Variants in LINGO2 observed in about 807,000 individuals in gnomAD.
LINGO2 encodes leucine-rich repeat and immunoglobulin-like domain-containing nogo receptor-interacting protein 2.
A neutral mutation model predicts 30.6 loss-of-function variants in LINGO2; 14 were observed. That is an observed-to-expected ratio of 0.46 (90% confidence interval 0.30 to 0.72). The LOEUF (loss-of-function observed/expected upper bound fraction) is 0.72, where lower values mean the gene tolerates loss of function less well. LINGO2 is among the 30% of genes least tolerant of loss of function. LINGO2 has a pLI of 0.07. For missense variants in LINGO2, 729 were observed against 751.7 expected, an observed-to-expected ratio of 0.97 and a Z score of 0.35; for synonymous variants, 317 against 288.5, an observed-to-expected ratio of 1.10 and a Z score of -1.00.
intron 4 of LINGO2, among the ~76,000 whole-genome samples, chr9:28,048,855 T>C (rs1056992425): frequency 6.6e-6 from 1 of 150,834 alleles, no homozygotes; most frequent in Non-Finnish European, 1.5e-5. Context: ...TATATATATA[T>C]GTAGTTTGTG....
the LINGO2 span, among the ~76,000 whole-genome samples, chr9:29,110,616 G>A: frequency 1.3e-5 from 2 of 151,972 alleles, no homozygotes; most frequent in African/African-American, 2.4e-5. Context: ...TTACAGGCAT[G>A]AGCCACCGCG....
chr9:28,362,554 T>A (rs1820492937), intron 3 of LINGO2, among the ~76,000 whole-genome samples: 1 of 151,716 alleles, frequency 6.6e-6, no homozygotes, highest in African/African-American at 2.4e-5. Flanking sequence ...CACCGCAACC[T>A]CCGCCTCCCA....
the LINGO2 span, among the ~76,000 whole-genome samples, chr9:28,845,054 A>C: frequency 1.3e-5 from 2 of 151,880 alleles, no homozygotes; most frequent in Admixed American, 1.3e-4. Flanking sequence ...AGTTTACATC[A>C]GAAAGTTAAG....
chr9:28,595,710 C>G (rs1825141067), intron 1 of LINGO2, among the ~76,000 whole-genome samples: 1 of 151,984 alleles, frequency 6.6e-6, no homozygotes, highest in Admixed American at 6.6e-5. Flanking sequence ...CACAATTTCA[C>G]CTATAAACTA....
chr9:28,964,924 A>T, the LINGO2 span, among the ~76,000 whole-genome samples: 2 of 151,956 alleles, frequency 1.3e-5, no homozygotes, highest in Admixed American at 6.6e-5. Context: ...CAGTTTCAGA[A>T]CTTTTACTTC....
At chr9:28,206,793 C>T (rs935775458) in intron 4 of LINGO2, among the ~76,000 whole-genome samples, 3 of 152,120 alleles carry the variant, frequency 2.0e-5, no homozygotes, top group Non-Finnish European at 4.4e-5. Context: ...TCTCTTTCAA[C>T]GTGATTTTGG....
chr9:28,286,946 C>T (rs1416782593), intron 4 of LINGO2, among the ~76,000 whole-genome samples: 1 of 152,080 alleles, frequency 6.6e-6, no homozygotes, highest in Non-Finnish European at 1.5e-5. Flanking sequence ...TGCACTTGTA[C>T]CCCTGAACTT....
chr9:27,955,426 A>G (rs1306130606), intron 5 of LINGO2, among the ~76,000 whole-genome samples: 3 of 152,216 alleles, frequency 2.0e-5, no homozygotes, highest in Non-Finnish European at 4.4e-5. Flanking sequence ...AATCTGATAC[A>G]GAACATTACC....
At chr9:28,801,024 T>C in the LINGO2 span, among the ~76,000 whole-genome samples, 1 of 152,068 alleles carries the variant, frequency 6.6e-6, no homozygotes, top group African/African-American at 2.4e-5. Context: ...TGAACCTCTC[T>C]CAGAAACAGG....
chr9:28,002,789 C>CCT (rs35196213), intron 5 of LINGO2, among the ~76,000 whole-genome samples: 26,883 of 152,060 alleles, frequency 0.18, 2,399 homozygotes, highest in African/African-American at 0.24. Flanking sequence ...ACATTCTCCC[C>CCT]GTCAGTGGGT....
the LINGO2 span, among the ~76,000 whole-genome samples, chr9:28,751,409 G>C: frequency 2.6e-5 from 4 of 151,340 alleles, no homozygotes; most frequent in African/African-American, 9.7e-5. Flanking sequence ...CAATTGCCCA[G>C]CTAGGTTTGC....
intron 5 of LINGO2, among the ~76,000 whole-genome samples, chr9:27,969,042 G>A (rs930191866): frequency 6.6e-6 from 1 of 151,824 alleles, no homozygotes; most frequent in Admixed American, 6.6e-5. Context: ...TAATATACAT[G>A]CTAATTATCC....
chr9:28,804,680 G>C, the LINGO2 span, among the ~76,000 whole-genome samples: 1 of 151,954 alleles, frequency 6.6e-6, no homozygotes, highest in East Asian at 1.9e-4. Flanking sequence ...GTAAAATACA[G>C]AATCCTAAAA....
the LINGO2 span, among the ~76,000 whole-genome samples, chr9:29,114,790 A>C: frequency 2.8e-5 from 4 of 144,382 alleles, no homozygotes; most frequent in Admixed American, 2.8e-4. Context: ...TATTTTTTTA[A>C]TCCAGTCTAC....
At chr9:28,064,319 C>A (rs138239692) in intron 4 of LINGO2, among the ~76,000 whole-genome samples, 2 of 152,272 alleles carry the variant, frequency 1.3e-5, no homozygotes, top group South Asian at 4.1e-4. Flanking sequence ...GGGCAGGAAT[C>A]ATCTTCTGCA....
At chr9:28,053,236 G>T (rs1366229230) in intron 4 of LINGO2, among the ~76,000 whole-genome samples, 1 of 151,978 alleles carries the variant, frequency 6.6e-6, no homozygotes, top group African/African-American at 2.4e-5. Flanking sequence ...GAATGGAGAG[G>T]AATTACATGA....
At chr9:28,290,610 G>A (rs1823690899) in intron 4 of LINGO2, among the ~76,000 whole-genome samples, 1 of 152,144 alleles carries the variant, frequency 6.6e-6, no homozygotes, top group African/African-American at 2.4e-5. Flanking sequence ...ACTAAAACTA[G>A]AGGTTTATAT....
intron 4 of LINGO2, among the ~76,000 whole-genome samples, chr9:28,071,754 G>T (rs1825484037): frequency 6.6e-6 from 1 of 152,030 alleles, no homozygotes; most frequent in East Asian, 1.9e-4. Context: ...AGAGCTGTCT[G>T]TCACAGCTCT....
At chr9:28,168,162 A>G (rs1587127100) in intron 4 of LINGO2, among the ~76,000 whole-genome samples, 1 of 152,192 alleles carries the variant, frequency 6.6e-6, no homozygotes, top group Non-Finnish European at 1.5e-5. Context: ...GAGTGTGGTG[A>G]TAACATCATT....
Sources: allele counts gnomAD v4.1 joint callset (sites outside exome capture counted in the v4.1 genomes callset), GRCh38; gene constraint gnomAD v4.1.1; transcripts MANE v1.5; gene names NCBI Gene and HGNC (gene_info 2026-07-23, HGNC 2026-07-21).